Variants in SYT1 observed in about 807,000 individuals in gnomAD.
SYT1 encodes the protein synaptotagmin-1.
A neutral mutation model predicts 44.8 loss-of-function variants in SYT1; 8 were observed. The observed-to-expected ratio is 0.18, with a 90% CI of 0.10 to 0.32. The LOEUF (loss-of-function observed/expected upper bound fraction) is 0.32, where lower values mean the gene tolerates loss of function less well. Ranked by LOEUF, SYT1 falls within the 10% of genes least tolerant of loss-of-function variation. The probability of loss-of-function intolerance (pLI) is 1.00; values close to 1 mark genes in which losing one functional copy is unlikely to be tolerated. For missense variants in SYT1, 286 were observed against 509.3 expected (o/e 0.56, Z 4.22); for synonymous variants, 154 against 188.8 (o/e 0.82, Z 1.51).
chr12:79,435,568 C>T (rs1191960218), intron 9 of SYT1, among the ~76,000 whole-genome samples: 2 of 152,020 alleles, frequency 1.3e-5, no homozygotes, highest in Non-Finnish European at 2.9e-5. Flanking sequence ...AGTTAGGGAC[C>T]CAGGATCTTC....
At chr12:79,139,913 T>C (rs886757999) in intron 3 of SYT1, among the ~76,000 whole-genome samples, 1 of 152,212 alleles carries the variant, frequency 6.6e-6, no homozygotes, top group South Asian at 2.1e-4. Context: ...CTGCCACGTA[T>C]GCAGCATTTT....
chr12:79,271,976 A>G (rs1380243900), intron 4 of SYT1, among the ~76,000 whole-genome samples: 1 of 152,234 alleles, frequency 6.6e-6, no homozygotes, highest in Non-Finnish European at 1.5e-5. Context: ...AATGTATTGT[A>G]TCACATAGTC....
intron 3 of SYT1, among the ~76,000 whole-genome samples, chr12:79,117,035 T>G (rs17005226): frequency 0.15 from 22,317 of 152,196 alleles, 1,702 homozygotes; most frequent in South Asian, 0.19. Flanking sequence ...ACACCTTTCT[T>G]TTCTGAACTA....
intron 3 of SYT1, among the ~76,000 whole-genome samples, chr12:79,132,233 G>A (rs554588672): frequency 1.3e-5 from 2 of 152,148 alleles, no homozygotes; most frequent in East Asian, 1.9e-4. Flanking sequence ...GGTGGATCAC[G>A]AGGTCAGAAA....
intron 1 of SYT1, among the ~76,000 whole-genome samples, chr12:78,923,858 C>T (rs891442990): frequency 1.3e-5 from 2 of 151,822 alleles, no homozygotes; most frequent in Non-Finnish European, 2.9e-5. Flanking sequence ...ATTCACTAGT[C>T]TTAATACTAT....
intron 1 of SYT1, among the ~76,000 whole-genome samples, chr12:78,890,334 G>T (rs919556763): frequency 8.6e-5 from 13 of 151,776 alleles, no homozygotes; most frequent in African/African-American, 3.1e-4. Context: ...ACCCACAATA[G>T]TATTTTAGAT....
chr12:79,353,216 T>C (rs1467156858), intron 8 of SYT1, among the ~76,000 whole-genome samples: 3 of 152,176 alleles, frequency 2.0e-5, no homozygotes, highest in Non-Finnish European at 2.9e-5. Flanking sequence ...TAAAAAGTCA[T>C]GTTGTTCTCA....
At chr12:79,029,358 T>TAAAAAAAAAAAA (rs199597216) in intron 2 of SYT1, among the ~76,000 whole-genome samples, 1 of 133,128 alleles carries the variant, frequency 7.5e-6, no homozygotes, top group Non-Finnish European at 1.6e-5. Context: ...TACAAATCAG[T>TAAAAAAAAAAAA]AAAAAAAAAA....
chr12:79,036,289 G>GA (rs937069200), intron 2 of SYT1, among the ~76,000 whole-genome samples: 2 of 151,560 alleles, frequency 1.3e-5, no homozygotes, highest in East Asian at 2.0e-4. Flanking sequence ...AAGCTTGTAG[G>GA]AAAAAAAATA....
chr12:78,998,700 G>A (rs979143406), intron 2 of SYT1, among the ~76,000 whole-genome samples: 2 of 152,110 alleles, frequency 1.3e-5, no homozygotes, highest in South Asian at 2.1e-4. Context: ...TGTGATCTCC[G>A]ATTTGTTTAC....
rs572225134 is a variant in SYT1 at position 78,980,632 on chromosome 12, T to A, written c.-84+2701T>A. Among the ~76,000 whole-genome samples the A allele has an allele frequency of 2.2e-3, 328 of 152,262 alleles. 1 individual carries two copies. Among genetic ancestry groups the A allele is most frequent in the Middle Eastern group, 6.8e-3 (2 of 294 alleles). The stretch of plus-strand genomic sequence containing the variant: ...TATAAAGAATGCTATAAATGCTGTT[T>A]CATGCCCAGATTCAATTTTATGAAA... On this transcript the variant is annotated intron_variant, in intron 2 of 10. Transcript: ENST00000261205.
In SYT1 at chr12:78,898,725, A is replaced by C. The variant is rs2137091162; in HGVS notation, c.-217+33616A>C. ...TGGGTTTTAGAGAACAGGAGCACAG[A>C]TATTTTTGATTCTGCAGGCCAATTC... On this transcript the variant is annotated intron_variant, in intron 1 of 10. Transcript: ENST00000261205. Among the ~76,000 whole-genome samples, 3 of 152,226 alleles carry C rather than the reference A, an allele frequency of 2.0e-5. No homozygotes were observed. In the Middle Eastern group the frequency reaches 0.01, roughly 518 times the overall value.
rs893990332 is a variant in SYT1 at position 79,402,045 on chromosome 12, G to T, written c.929-42028G>T. On this transcript the variant is annotated intron_variant, in intron 9 of 10. Coordinates refer to ENST00000261205, the MANE Select transcript of SYT1 (RefSeq NM_005639.3). ...TGGGCTGCCCTGGGACTTACTGATT[G>T]TGTAAGCCAGCATTGTTGGCCTAGT... Among the ~76,000 whole-genome samples, 3 of 152,134 alleles carry T rather than the reference G, an allele frequency of 2.0e-5. No homozygotes were observed. The South Asian group carries it at 6.2e-4, about 31-fold the overall frequency.
At chr12:79,090,753 C>T (rs918497594) in intron 3 of SYT1, among the ~76,000 whole-genome samples, 6 of 151,802 alleles carry the variant, frequency 4.0e-5, no homozygotes, top group Admixed American at 1.3e-4. Flanking sequence ...GAAAAAGAGG[C>T]CTGAAGCTCC....
intron 4 of SYT1, among the ~76,000 whole-genome samples, chr12:79,223,742 C>T (rs1875314640): frequency 1.3e-5 from 2 of 152,180 alleles, no homozygotes; most frequent in Non-Finnish European, 2.9e-5. Flanking sequence ...AGCCTGAAGC[C>T]TGGGGCTTTA....
At chr12:79,175,051 T>G (rs187535678) in intron 3 of SYT1, among the ~76,000 whole-genome samples, 1 of 152,236 alleles carries the variant, frequency 6.6e-6, no homozygotes, top group African/African-American at 2.4e-5. Flanking sequence ...GGATTTGATT[T>G]GCTATGTACT....
intron 9 of SYT1, among the ~76,000 whole-genome samples, chr12:79,367,704 G>A (rs950756426): frequency 1.3e-5 from 2 of 151,918 alleles, no homozygotes; most frequent in African/African-American, 4.8e-5. Flanking sequence ...AGAAAAACCT[G>A]GTTGGATTAT....
chr12:79,101,717 G>A (rs974258191), intron 3 of SYT1, among the ~76,000 whole-genome samples: 1 of 149,624 alleles, frequency 6.7e-6, no homozygotes, highest in East Asian at 1.9e-4. Context: ...GAAGAGCCTG[G>A]GCAACATGGC....
chr12:79,126,356 G>A (rs1197197622), intron 3 of SYT1, among the ~76,000 whole-genome samples: 1 of 152,186 alleles, frequency 6.6e-6, no homozygotes, highest in Non-Finnish European at 1.5e-5. Context: ...TGCCTCCCGG[G>A]TTCAAACAAT....
Sources: gnomAD v4.1 joint callset for allele counts (sites outside exome capture counted in the v4.1 genomes callset) on GRCh38, gnomAD v4.1.1 for gene constraint, MANE v1.5 for transcripts, NCBI Gene and HGNC (gene_info 2026-07-23, HGNC 2026-07-21) for gene names.